The following MARCHF1 variants were observed in gnomAD, a reference collection of about 807,000 sequenced individuals.
The protein encoded by MARCHF1 is membrane associated ring-CH-type finger 1, also known as E3 ubiquitin-protein ligase MARCHF1.
Under a neutral mutation model 54.2 loss-of-function variants are expected in MARCHF1, and 40 were observed. The ratio of observed to expected loss-of-function variants is 0.74; its 90% CI spans 0.57 to 0.96. The LOEUF is 0.96. Ranked by LOEUF, MARCHF1 falls within the 40% of genes least tolerant of loss-of-function variation. The pLI, the probability that MARCHF1 is intolerant of heterozygous loss-of-function variation, is 0.00. For missense variants in MARCHF1, 586 were observed against 656.5 expected (o/e 0.89, Z 1.17); for synonymous variants, 236 against 236.3 (o/e 1.00, Z 0.01).
intron 4 of MARCHF1, among the ~76,000 whole-genome samples, chr4:163,712,913 C>T (rs1166862144): frequency 6.6e-6 from 1 of 152,054 alleles, no homozygotes. Context: ...CAGAGCTCTT[C>T]TAAGAGCCTG....
intron 3 of MARCHF1, among the ~76,000 whole-genome samples, chr4:163,874,604 T>C (rs1213212469): frequency 6.6e-6 from 1 of 152,170 alleles, no homozygotes; most frequent in Non-Finnish European, 1.5e-5. Context: ...ACATTATTCA[T>C]ATAAAAATTG....
chr4:163,923,492 A>C (rs1751474529), intron 3 of MARCHF1, among the ~76,000 whole-genome samples: 1 of 152,098 alleles, frequency 6.6e-6, no homozygotes, highest in Non-Finnish European at 1.5e-5. Context: ...TCTTATGAAA[A>C]ATTGCCCAAG....
At chr4:164,260,010 A>G (rs1308320943) in intron 1 of MARCHF1, among the ~76,000 whole-genome samples, 1 of 152,190 alleles carries the variant, frequency 6.6e-6, no homozygotes, top group Non-Finnish European at 1.5e-5. Flanking sequence ...TAGTTTTCAT[A>G]TATCTCCAGG....
intron 2 of MARCHF1, among the ~76,000 whole-genome samples, chr4:164,009,656 T>C (rs1400946720): frequency 6.6e-6 from 1 of 152,082 alleles, no homozygotes; most frequent in Non-Finnish European, 1.5e-5. Flanking sequence ...TCCATAAACA[T>C]GATACATCAC....
At chr4:163,752,978 A>C (rs1360846899) in intron 4 of MARCHF1, among the ~76,000 whole-genome samples, 1 of 152,120 alleles carries the variant, frequency 6.6e-6, no homozygotes, top group Non-Finnish European at 1.5e-5. Flanking sequence ...CTTAATGGCA[A>C]TTTTCTTCAA....
intron 3 of MARCHF1, among the ~76,000 whole-genome samples, chr4:163,941,360 A>G (rs1256769551): frequency 6.6e-6 from 1 of 152,166 alleles, no homozygotes. Context: ...AGAAAAGAAC[A>G]TTCCAAGAAA....
At chr4:163,775,613 T>C (rs1747282726) in intron 4 of MARCHF1, among the ~76,000 whole-genome samples, 1 of 152,154 alleles carries the variant, frequency 6.6e-6, no homozygotes, top group Admixed American at 6.6e-5. Flanking sequence ...CAGGGAAGGC[T>C]GAAAACAGCA....
intron 3 of MARCHF1, among the ~76,000 whole-genome samples, chr4:163,863,035 G>A (rs572328292): frequency 9.9e-5 from 15 of 152,154 alleles, no homozygotes; most frequent in Admixed American, 9.8e-4. Flanking sequence ...GCAGTAAAAT[G>A]ATCAGTGGAG....
intron 4 of MARCHF1, among the ~76,000 whole-genome samples, chr4:163,811,769 G>A (rs1464369419): frequency 6.6e-6 from 1 of 152,138 alleles, no homozygotes; most frequent in Non-Finnish European, 1.5e-5. Context: ...ACTAGGCCCT[G>A]TGGGTTACAT....
chr4:164,292,627 C>T (rs1019365992), intron 1 of MARCHF1, among the ~76,000 whole-genome samples: 3 of 152,182 alleles, frequency 2.0e-5, no homozygotes, highest in Admixed American at 6.6e-5. Flanking sequence ...GAATGCAATA[C>T]ATAGTGTCTC....
intron 3 of MARCHF1, among the ~76,000 whole-genome samples, chr4:163,926,623 C>T (rs1209820095): frequency 6.6e-6 from 1 of 151,592 alleles, no homozygotes; most frequent in Non-Finnish European, 1.5e-5. Context: ...AGTTGCTCTA[C>T]ATCCTTAAAA....
chr4:163,913,266 G>C (rs547800879), intron 3 of MARCHF1, among the ~76,000 whole-genome samples: 1 of 152,152 alleles, frequency 6.6e-6, no homozygotes, highest in Non-Finnish European at 1.5e-5. Context: ...CTGGGGTCTT[G>C]ATGTCAAATT....
chr4:163,770,983 T>G (rs1029001941), intron 4 of MARCHF1, among the ~76,000 whole-genome samples: 3 of 152,248 alleles, frequency 2.0e-5, no homozygotes, highest in African/African-American at 7.2e-5. Context: ...CAGGCTCTAC[T>G]TACATATTTT....
chr4:163,586,871 T>C (rs1044027879), intron 7 of MARCHF1, among the ~76,000 whole-genome samples: 1 of 152,204 alleles, frequency 6.6e-6, no homozygotes, highest in Admixed American at 6.5e-5. Flanking sequence ...ATAAAGTTAA[T>C]ACAAGAAGTC....
At chr4:164,004,660 A>G (rs1753251156) in intron 2 of MARCHF1, among the ~76,000 whole-genome samples, 1 of 152,274 alleles carries the variant, frequency 6.6e-6, no homozygotes, top group African/African-American at 2.4e-5. Context: ...TGGTCATAAC[A>G]GAATAACATT....
intron 2 of MARCHF1, among the ~76,000 whole-genome samples, chr4:164,089,400 G>T (rs1279277917): frequency 6.6e-6 from 1 of 152,024 alleles, no homozygotes; most frequent in Non-Finnish European, 1.5e-5. Flanking sequence ...ATTTGTTGAG[G>T]TTACTAGATC....
chr4:163,880,227 A>G (rs1750386151), intron 3 of MARCHF1, among the ~76,000 whole-genome samples: 3 of 151,690 alleles, frequency 2.0e-5, no homozygotes, highest in African/African-American at 7.2e-5. Context: ...TCAATACATT[A>G]GCAACCAGAT....
At chr4:163,920,328 C>T (rs1352026453) in intron 3 of MARCHF1, among the ~76,000 whole-genome samples, 1 of 152,162 alleles carries the variant, frequency 6.6e-6, no homozygotes, top group Admixed American at 6.5e-5. Flanking sequence ...CACCTTCTTG[C>T]AAGAATTAAT....
chr4:164,381,001 A>G (rs181714103), intron 1 of MARCHF1, among the ~76,000 whole-genome samples: 2 of 152,350 alleles, frequency 1.3e-5, no homozygotes, highest in East Asian at 3.9e-4. Context: ...AGTATCTGTT[A>G]AATCACACAA....
Sources: allele counts gnomAD v4.1 joint callset (sites outside exome capture counted in the v4.1 genomes callset), GRCh38; gene constraint gnomAD v4.1.1; transcripts MANE v1.5; gene names NCBI Gene and HGNC (gene_info 2026-07-23, HGNC 2026-07-21).